The following VWC2 variants were observed in gnomAD, a reference collection of about 807,000 sequenced individuals.
VWC2 encodes the protein von Willebrand factor C domain containing 2.
In VWC2, 14 loss-of-function variants were observed where a neutral mutation model predicts 29.8. The ratio of observed to expected loss-of-function variants is 0.47; its 90% CI spans 0.31 to 0.74. The LOEUF is 0.74. Ranked by LOEUF, VWC2 falls within the 30% of genes least tolerant of loss-of-function variation. The pLI, the probability that VWC2 is intolerant of heterozygous loss-of-function variation, is 0.05. For missense variants in VWC2, 457 were observed against 459.8 expected, an observed-to-expected ratio of 0.99 and a Z score of 0.05; for synonymous variants, 213 against 199.0, an observed-to-expected ratio of 1.07 and a Z score of -0.59.
chr7:49,796,392 A>G (rs1470395808), intron 2 of VWC2, among the ~76,000 whole-genome samples: 1 of 152,214 alleles, frequency 6.6e-6, no homozygotes, highest in Non-Finnish European at 1.5e-5. Flanking sequence ...ACTTTGCAGC[A>G]GTGGGATTTC....
chr7:49,806,452 A>G (rs1225643034), intron 3 of VWC2, among the ~76,000 whole-genome samples: 1 of 152,258 alleles, frequency 6.6e-6, no homozygotes, highest in Admixed American at 6.5e-5. Flanking sequence ...AAGGTTGTAT[A>G]TCTCCCTGAA....
chr7:49,798,007 C>A (rs57264891), intron 2 of VWC2, among the ~76,000 whole-genome samples: 15 of 152,200 alleles, frequency 9.9e-5, no homozygotes, highest in African/African-American at 3.1e-4. Context: ...TAAGTTTCTT[C>A]TGGGAAAATG....
intron 3 of VWC2, among the ~76,000 whole-genome samples, chr7:49,834,789 T>C (rs904533577): frequency 2.6e-5 from 4 of 152,142 alleles, no homozygotes; most frequent in African/African-American, 7.2e-5. Flanking sequence ...CCCCAAGGAT[T>C]GGAGTCGTGA....
chr7:49,854,116 G>T (rs566788099), intron 3 of VWC2, among the ~76,000 whole-genome samples: 2,034 of 152,096 alleles, frequency 0.013, 36 homozygotes, highest in African/African-American at 0.046. Context: ...GTCTATCATT[G>T]ATGGACATTT....
chr7:49,802,600 T>C, intron 2 of VWC2, 111 bp from the exon 3 acceptor site: 1 of 1,423,580 alleles, frequency 7.0e-7, no homozygotes, highest in Non-Finnish European at 9.6e-7. Context: ...ATCGCACCAC[T>C]GCACTCCAGT....
At chr7:49,823,592 G>A (rs936544561) in intron 3 of VWC2, among the ~76,000 whole-genome samples, 8 of 152,140 alleles carry the variant, frequency 5.3e-5, no homozygotes, top group Admixed American at 2.0e-4. Flanking sequence ...TGGGGCCCCC[G>A]GCAGTTGGGT....
intron 3 of VWC2, among the ~76,000 whole-genome samples, chr7:49,859,758 T>G (rs909935716): frequency 4.0e-5 from 6 of 151,818 alleles, no homozygotes; most frequent in Non-Finnish European, 8.8e-5. Flanking sequence ...TCCCTACAGA[T>G]GTACTTGATG....
chr7:49,784,744 C>T (rs1390338799), intron 2 of VWC2, among the ~76,000 whole-genome samples: 1 of 152,216 alleles, frequency 6.6e-6, no homozygotes, highest in Non-Finnish European at 1.5e-5. Context: ...GTGTGGTCTG[C>T]AAAGTCCAAA....
chr7:49,873,195 A>C (rs1182440737), intron 3 of VWC2, among the ~76,000 whole-genome samples: 2 of 152,190 alleles, frequency 1.3e-5, no homozygotes, highest in Non-Finnish European at 2.9e-5. Context: ...GCTATAACAA[A>C]ATACATGAAC....
intron 3 of VWC2, among the ~76,000 whole-genome samples, chr7:49,894,362 G>C (rs1792276376): frequency 6.6e-6 from 1 of 152,088 alleles, no homozygotes; most frequent in Non-Finnish European, 1.5e-5. Flanking sequence ...TGAACACCTG[G>C]GCTCAAGCAG....
At chr7:49,783,258 C>T (rs1219475157) in intron 2 of VWC2, among the ~76,000 whole-genome samples, 2 of 152,050 alleles carry the variant, frequency 1.3e-5, no homozygotes, top group African/African-American at 2.4e-5. Flanking sequence ...GTAAATGGCC[C>T]CCTCCAGGAG....
intron 3 of VWC2, among the ~76,000 whole-genome samples, chr7:49,811,050 A>G (rs1026098745): frequency 3.3e-5 from 5 of 152,202 alleles, no homozygotes; most frequent in Non-Finnish European, 5.9e-5. Flanking sequence ...GCATCTCAAA[A>G]CACACAACAA....
Position 49,802,786 on chromosome 7 carries a change from G to C in VWC2, c.772G>C (p.Glu258Gln). 2 of 1,614,224 alleles carry C rather than the reference G, an allele frequency of 1.2e-6. No homozygotes were observed. The highest frequency in any genetic ancestry group is 1.7e-6 in the Non-Finnish European group (2 of 1,180,034). ...CACAGTGTCAGCGTGTCCCCAGACG[G>C]AGTGTGTGGACCCTGTGTACGAGCC... Reference protein sequence around the residue: ...LCTVSACPQTECVDPVYEPDQ... With the variant: ...LCTVSACPQTQCVDPVYEPDQ... The change falls in exon 3 of 4, where the codon GAG becomes CAG. Residue 258 changes from glutamate (E) to glutamine (Q), a missense_variant. Transcript: ENST00000340652.
intron 3 of VWC2, among the ~76,000 whole-genome samples, chr7:49,853,110 C>T (rs1790261599): frequency 6.6e-6 from 1 of 152,246 alleles, no homozygotes; most frequent in African/African-American, 2.4e-5. Flanking sequence ...GGCAGGCTCC[C>T]AGGCTATGGG....
chr7:49,911,632 C>T (rs551735560), intron 3 of VWC2, among the ~76,000 whole-genome samples: 1 of 152,054 alleles, frequency 6.6e-6, no homozygotes, highest in East Asian at 1.9e-4. Context: ...TGCAGTGGCT[C>T]ATGCCTGTAA....
rs991604543 is a variant in VWC2 at position 49,915,229 on chromosome 7, T to C, written c.*3044T>C. The C allele has an allele frequency of 1.3e-5, 2 of 152,186 alleles. No individual in the cohort carries two copies. The highest frequency in any genetic ancestry group is 2.4e-5 in the African/African-American group (1 of 41,460). The allele number at this position is 152,186 out of a possible 1,614,324, so 9.4% of individuals were successfully genotyped here. A position where few individuals can be genotyped will look rare whatever the true frequency, so the allele number is the denominator to read the frequency against. On this transcript the variant is annotated 3_prime_UTR_variant, in exon 4 of 4. Transcript: ENST00000340652. ...ATTTCATCCCTGCATGCAAGAAGTA[T>C]TAGATGCACTCCAGTCCAGGCAAGT...
intron 3 of VWC2, among the ~76,000 whole-genome samples, chr7:49,882,829 T>A (rs562064462): frequency 6.6e-6 from 1 of 152,272 alleles, no homozygotes; most frequent in African/African-American, 2.4e-5. Context: ...TTCAACTACA[T>A]CTTCTATTTT....
At chr7:49,861,989 G>A (rs1410628688) in intron 3 of VWC2, among the ~76,000 whole-genome samples, 1 of 152,116 alleles carries the variant, frequency 6.6e-6, no homozygotes, top group East Asian at 1.9e-4. Context: ...TGAATTTTAG[G>A]ATAGGCTTTT....
intron 2 of VWC2, among the ~76,000 whole-genome samples, chr7:49,787,456 G>A (rs1562703990): frequency 6.6e-6 from 1 of 152,140 alleles, no homozygotes; most frequent in Non-Finnish European, 1.5e-5. Flanking sequence ...CTCTTGATAT[G>A]CCAGGAGCTA....
Sources: gnomAD v4.1 joint callset for allele counts (sites outside exome capture counted in the v4.1 genomes callset) on GRCh38, gnomAD v4.1.1 for gene constraint, MANE v1.5 for transcripts, NCBI Gene and HGNC (gene_info 2026-07-23, HGNC 2026-07-21) for gene names.